Variants in SHISA9 observed in about 807,000 individuals in gnomAD.
The protein encoded by SHISA9 is shisa family member 9, also known as protein shisa-9.
In SHISA9, 13 loss-of-function variants were observed where a neutral mutation model predicts 38.0. That is an observed-to-expected ratio of 0.34 (90% CI 0.22 to 0.54). The LOEUF (loss-of-function observed/expected upper bound fraction) is 0.54, where lower values mean the gene tolerates loss of function less well. Ranked by LOEUF, SHISA9 falls within the 20% of genes least tolerant of loss-of-function variation. SHISA9 has a pLI of 0.91. For missense variants in SHISA9, 538 were observed against 575.8 expected, an observed-to-expected ratio of 0.93 and a Z score of 0.67; for synonymous variants, 275 against 242.0, an observed-to-expected ratio of 1.14 and a Z score of -1.27.
the SHISA9 span, among the ~76,000 whole-genome samples, chr16:13,266,951 C>G: frequency 1.3e-5 from 2 of 152,078 alleles, no homozygotes; most frequent in African/African-American, 2.4e-5. Flanking sequence ...CCTATGCCTT[C>G]TAGATAAAGC....
rs1011779640 is a variant in SHISA9, at chr16:13,203,705, TTCTC to T, written c.847+162_847+165del. Among the ~76,000 whole-genome samples the T allele has an allele frequency of 4.6e-4, 70 of 152,312 alleles. 1 individual carries two copies. The highest frequency in any genetic ancestry group is 1.4e-3 in the South Asian group (7 of 4,828). ...TTTCTCTGCCTCTATCTCATTTTTG[TTCTC>T]TCTCTGTCTATAAATATGTATATCT... On this transcript the variant is annotated intron_variant, in intron 3 of 4. Coordinates refer to ENST00000558583, the MANE Select transcript of SHISA9 (RefSeq NM_001145204.3).
intron 3 of SHISA9, among the ~76,000 whole-genome samples, chr16:13,204,078 T>TA (rs1015355449): frequency 1.3e-5 from 2 of 152,042 alleles, no homozygotes; most frequent in African/African-American, 2.4e-5. Context: ...CCTATCCACT[T>TA]ATCTATTATC....
chr16:13,443,240 T>G, the SHISA9 span, among the ~76,000 whole-genome samples: 2 of 152,248 alleles, frequency 1.3e-5, no homozygotes, highest in South Asian at 4.1e-4. Flanking sequence ...TGGTTCAATG[T>G]GACTTGGGAC....
intron 2 of SHISA9, among the ~76,000 whole-genome samples, chr16:12,929,775 C>A (rs551671234): frequency 8.5e-5 from 13 of 152,070 alleles, no homozygotes; most frequent in Non-Finnish European, 1.6e-4. Flanking sequence ...ACATCCTGCA[C>A]ACGTAGCCCT....
At chr16:13,082,273 T>TGCA (rs2073659693) in intron 2 of SHISA9, 1 of 152,252 alleles carries the variant, frequency 6.6e-6, no homozygotes, top group Admixed American at 6.5e-5. Context: ...AAATAATTTA[T>TGCA]GCAACTTATT....
At chr16:13,055,544 C>T (rs1237343116) in intron 2 of SHISA9, among the ~76,000 whole-genome samples, 2 of 152,198 alleles carry the variant, frequency 1.3e-5, no homozygotes, top group Non-Finnish European at 2.9e-5. Context: ...TGTCTTGGCT[C>T]TCACAGTTTG....
intron 4 of SHISA9, among the ~76,000 whole-genome samples, chr16:13,225,457 C>A (rs111283035): frequency 0.015 from 2,272 of 152,240 alleles, 22 homozygotes; most frequent in Non-Finnish European, 0.02. Flanking sequence ...GGGACCACTG[C>A]AAAGAATTTG....
At chr16:13,425,817 T>C in the SHISA9 span, among the ~76,000 whole-genome samples, 1 of 152,232 alleles carries the variant, frequency 6.6e-6, no homozygotes, top group African/African-American at 2.4e-5. Flanking sequence ...TCGTTGTTAT[T>C]TGCTTGTTTG....
chr16:13,498,715 C>A, the SHISA9 span, among the ~76,000 whole-genome samples: 1 of 152,102 alleles, frequency 6.6e-6, no homozygotes, highest in East Asian at 1.9e-4. Flanking sequence ...CAAGATCACA[C>A]CATTGCACTC....
chr16:13,232,237 A>T (rs930553083), intron 4 of SHISA9, among the ~76,000 whole-genome samples: 1 of 152,214 alleles, frequency 6.6e-6, no homozygotes, highest in Non-Finnish European at 1.5e-5. Flanking sequence ...TCAAAAGTTT[A>T]TTGCTAATGA....
At chr16:13,502,550 T>C in the SHISA9 span, among the ~76,000 whole-genome samples, 1 of 152,178 alleles carries the variant, frequency 6.6e-6, no homozygotes, top group African/African-American at 2.4e-5. Flanking sequence ...AAGGCAGACC[T>C]GGTCTTTACC....
intron 3 of SHISA9, among the ~76,000 whole-genome samples, chr16:13,211,179 C>T (rs1366031413): frequency 1.3e-5 from 2 of 152,012 alleles, no homozygotes; most frequent in East Asian, 1.9e-4. Context: ...CGCCTATAAC[C>T]TCACCTACTT....
chr16:13,161,989 A>G (rs1596692303), intron 2 of SHISA9, among the ~76,000 whole-genome samples: 1 of 152,182 alleles, frequency 6.6e-6, no homozygotes, highest in Non-Finnish European at 1.5e-5. Context: ...TGTTAATATT[A>G]TGAATTACTT....
At chr16:13,207,999 G>A (rs954495374) in intron 3 of SHISA9, among the ~76,000 whole-genome samples, 1 of 152,092 alleles carries the variant, frequency 6.6e-6, no homozygotes, top group Non-Finnish European at 1.5e-5. Context: ...AAATACTTCT[G>A]GAAAATAAAT....
At chr16:13,165,837 C>G (rs547903186) in intron 2 of SHISA9, among the ~76,000 whole-genome samples, 2 of 152,322 alleles carry the variant, frequency 1.3e-5, no homozygotes, top group Admixed American at 1.3e-4. Flanking sequence ...TTAATGGACA[C>G]TGTTCCCAAT....
chr16:13,084,350 T>C (rs1487092540), intron 2 of SHISA9, among the ~76,000 whole-genome samples: 11 of 152,228 alleles, frequency 7.2e-5, no homozygotes, highest in Admixed American at 7.2e-4. Flanking sequence ...ATGAACTCAA[T>C]GACCTCCCTG....
chr16:13,207,882 C>T (rs954828245), intron 3 of SHISA9, among the ~76,000 whole-genome samples: 3 of 152,138 alleles, frequency 2.0e-5, no homozygotes, highest in African/African-American at 7.2e-5. Context: ...AAATGGTTTG[C>T]CATTGAAAGT....
chr16:12,961,042 G>A (rs1188708085), intron 2 of SHISA9, among the ~76,000 whole-genome samples: 2 of 152,194 alleles, frequency 1.3e-5, no homozygotes, highest in East Asian at 1.9e-4. Flanking sequence ...GATGATGAAA[G>A]GAGAGTGTGG....
At chr16:13,293,920 T>C in the SHISA9 span, among the ~76,000 whole-genome samples, 2 of 152,236 alleles carry the variant, frequency 1.3e-5, no homozygotes, top group Admixed American at 6.5e-5. Context: ...TTGGGTTTTG[T>C]CTTGCTGTGT....
Sources: allele counts gnomAD v4.1 joint callset (sites outside exome capture counted in the v4.1 genomes callset), GRCh38; gene constraint gnomAD v4.1.1; transcripts MANE v1.5; gene names NCBI Gene and HGNC (gene_info 2026-07-23, HGNC 2026-07-21).